POC1B: variants seen among roughly 807,000 people sequenced by gnomAD.
POC1B encodes the protein POC1 centriolar protein B, also known as POC1 centriolar protein homolog B.
A neutral mutation model predicts 60.6 loss-of-function variants in POC1B; 44 were observed. That is an observed-to-expected ratio of 0.73 (90% CI 0.57 to 0.93). POC1B has a LOEUF of 0.93. POC1B is among the 40% of genes least tolerant of loss of function. The probability of loss-of-function intolerance (pLI) is 0.00; values close to 1 mark genes in which losing one functional copy is unlikely to be tolerated. For missense variants in POC1B, 555 were observed against 572.3 expected (o/e 0.97, Z 0.31); for synonymous variants, 180 against 198.9 (o/e 0.90, Z 0.80).
At chr12:89,438,330 A>G (rs1441366057) in intron 10 of POC1B, among the ~76,000 whole-genome samples, 2 of 150,742 alleles carry the variant, frequency 1.3e-5, no homozygotes, top group Non-Finnish European at 3.0e-5. Context: ...GGTGGCGGGC[A>G]CCTGTAGTCC....
chr12:89,446,985 G>A (rs1197131690), intron 10 of POC1B, among the ~76,000 whole-genome samples: 2 of 152,098 alleles, frequency 1.3e-5, no homozygotes, highest in African/African-American at 4.8e-5. Context: ...TATAAACTCC[G>A]TGACTGTCAT....
the POC1B span, among the ~76,000 whole-genome samples, chr12:89,406,700 G>A: frequency 6.6e-6 from 1 of 151,978 alleles, no homozygotes; most frequent in Non-Finnish European, 1.5e-5. Flanking sequence ...TCAGATACTG[G>A]TTCAACAAAG....
At chr12:89,404,523 T>C in the POC1B span, among the ~76,000 whole-genome samples, 1 of 152,210 alleles carries the variant, frequency 6.6e-6, no homozygotes, top group African/African-American at 2.4e-5. Context: ...GATGGAGCAC[T>C]AGAATAGGAG....
At chr12:89,525,394 G>C in intron 1 of POC1B, 190 bp from the exon 2 acceptor site, 1 of 1,391,756 alleles carries the variant, frequency 7.2e-7, no homozygotes, top group East Asian at 2.9e-5. Flanking sequence ...GGGAGACGCC[G>C]GCGCCAGCTC....
chr12:89,497,014 ATTGT>A, intron 3 of POC1B, 153 bp downstream of exon 3: 2 of 746,068 alleles, frequency 2.7e-6, no homozygotes, highest in Non-Finnish European at 4.3e-6. Context: ...GAGGAAAAAA[ATTGT>A]ATGAATTAGT....
At chr12:89,417,002 A>G (rs1264739647), downstream of POC1B, among the ~76,000 whole-genome samples, 1 of 152,226 alleles carries the variant, frequency 6.6e-6, no homozygotes, top group African/African-American at 2.4e-5. Context: ...CTTTCCACAT[A>G]GTAGTTTTTA....
chr12:89,521,954 C>G, intron 2 of POC1B: 1 of 398,856 alleles, frequency 2.5e-6, no homozygotes. Flanking sequence ...ATTGTGTTTA[C>G]TTTAAATGAT....
At chr12:89,418,473 G>T (rs1478738698), downstream of POC1B, among the ~76,000 whole-genome samples, 1 of 152,188 alleles carries the variant, frequency 6.6e-6, no homozygotes, top group Non-Finnish European at 1.5e-5. Context: ...CTGTGCAAGG[G>T]TGACATCAGG....
intron 2 of POC1B, 165 bp downstream of exon 2, chr12:89,524,955 G>C: frequency 9.2e-7 from 1 of 1,088,478 alleles, no homozygotes; most frequent in Admixed American, 2.6e-5. Context: ...ATGGCAGAGG[G>C]GGCCCTAGCT....
chr12:89,525,062 G>C (rs1482883438), intron 2 of POC1B, 58 bp downstream of exon 2: 2 of 1,609,346 alleles, frequency 1.2e-6, no homozygotes, highest in Admixed American at 1.7e-5. Flanking sequence ...CAGGAGGAAA[G>C]GTTTCCGGCC....
At chr12:89,415,642 C>CAA (rs35705271), downstream of POC1B, among the ~76,000 whole-genome samples, 4,218 of 124,206 alleles carry the variant, frequency 0.034, 251 homozygotes, top group East Asian at 0.27. Context: ...GACTCCGTCT[C>CAA]AAAAAAAAAA....
chr12:89,508,453 C>A (rs1870011826), intron 2 of POC1B, among the ~76,000 whole-genome samples: 1 of 152,134 alleles, frequency 6.6e-6, no homozygotes, highest in Admixed American at 6.5e-5. Context: ...ATAATTTTGA[C>A]AAGAATATCA....
At chr12:89,507,683 A>G (rs1869971485) in intron 2 of POC1B, among the ~76,000 whole-genome samples, 1 of 152,246 alleles carries the variant, frequency 6.6e-6, no homozygotes, top group African/African-American at 2.4e-5. Context: ...ATGCTTACCT[A>G]GGTCAGTGCT....
At chr12:89,522,396 A>G (rs1019868628) in intron 2 of POC1B, 1 of 381,670 alleles carries the variant, frequency 2.6e-6, no homozygotes, top group East Asian at 3.7e-5. Context: ...CAAAATAGCA[A>G]TGGCTCAAAC....
Position 89,492,134 on chromosome 12 carries a change from A to G in POC1B, c.273-19T>C. On this transcript the variant is annotated intron_variant, in intron 3 of 11. Coordinates refer to ENST00000313546, the MANE Select transcript of POC1B (RefSeq NM_172240.3). ...TCCTCTCCTGGAAATAAACAGTTTA[A>G]TATTTATAACTCATTTGATTTAATT... The G allele has an allele frequency of 6.7e-7, 1 of 1,503,702 alleles. No individual in the cohort carries two copies. 93.1% of individuals were successfully genotyped at this position (1,503,702 alleles called of 1,614,324 possible).
the POC1B span, among the ~76,000 whole-genome samples, chr12:89,405,397 CT>C: frequency 6.6e-6 from 1 of 151,552 alleles, no homozygotes; most frequent in Non-Finnish European, 1.5e-5. Context: ...AATCCCAGTA[CT>C]TTGGGAGGCA....
intron 10 of POC1B, chr12:89,425,735 G>A (rs1054920171): frequency 6.4e-6 from 1 of 157,054 alleles, no homozygotes; most frequent in African/African-American, 2.4e-5. Flanking sequence ...TCAAAAAAAT[G>A]AAAAATAACA....
intron 10 of POC1B, among the ~76,000 whole-genome samples, chr12:89,450,154 G>A (rs187493817): frequency 6.7e-6 from 1 of 150,190 alleles, no homozygotes; most frequent in Non-Finnish European, 1.5e-5. Context: ...TAAATTCAAG[G>A]AGAAATGAGA....
chr12:89,493,568 C>T (rs960288970), intron 3 of POC1B, among the ~76,000 whole-genome samples: 2 of 152,188 alleles, frequency 1.3e-5, no homozygotes, highest in Non-Finnish European at 1.5e-5. Flanking sequence ...CAGGGACTAG[C>T]TCAGTGAAGT....
Sources: allele counts gnomAD v4.1 joint callset (sites outside exome capture counted in the v4.1 genomes callset), GRCh38; gene constraint gnomAD v4.1.1; transcripts MANE v1.5; gene names NCBI Gene and HGNC (gene_info 2026-07-23, HGNC 2026-07-21).